Variants in TYR observed in about 807,000 individuals in gnomAD.
TYR encodes the protein LB24-AB.
A neutral mutation model predicts 51.5 loss-of-function variants in TYR; 58 were observed. That is an observed-to-expected ratio of 1.13 (90% CI 0.91 to 1.40). The LOEUF (loss-of-function observed/expected upper bound fraction) is 1.40, where lower values mean the gene tolerates loss of function less well. Ranked by LOEUF, TYR falls within the 40% of genes most tolerant of loss-of-function variation. The probability of loss-of-function intolerance (pLI) is 0.00; values close to 1 mark genes in which losing one functional copy is unlikely to be tolerated. For missense variants in TYR, 732 were observed against 647.4 expected (o/e 1.13, Z -1.42); for synonymous variants, 263 against 235.2 (o/e 1.12, Z -1.08).
chr11:89,191,517 G>C, intron 2 of TYR, 99 bp downstream of exon 2: 1 of 1,193,712 alleles, frequency 8.4e-7, no homozygotes, highest in African/African-American at 1.5e-5. Flanking sequence ...AGAATTTTCT[G>C]AGTTGACCAA....
chr11:89,256,108 T>C (rs1944388231), intron 3 of TYR, among the ~76,000 whole-genome samples: 1 of 151,764 alleles, frequency 6.6e-6, no homozygotes, highest in Non-Finnish European at 1.5e-5. Flanking sequence ...GACCTATATC[T>C]GCACATGTGG....
chr11:89,217,453 G>C (rs555737092), intron 2 of TYR, among the ~76,000 whole-genome samples: 1 of 152,282 alleles, frequency 6.6e-6, no homozygotes, highest in East Asian at 1.9e-4. Flanking sequence ...GGGAGACTGA[G>C]TATGAGGATG....
At chr11:89,198,615 A>G (rs1248552724) in intron 2 of TYR, among the ~76,000 whole-genome samples, 1 of 152,182 alleles carries the variant, frequency 6.6e-6, no homozygotes, top group Non-Finnish European at 1.5e-5. Context: ...AGTCCTCACA[A>G]CAGTCCTAGG....
chr11:89,178,738 T>A lies in TYR; in HGVS notation c.785T>A (p.Leu262Ter). ...GGTCAGCACCCCACAAATCCTAACT[T>A]ACTCAGCCCAGCATCATTCTTCTCC... ...MGGQHPTNPN[L>*]LSPASFFSSW... Residue 262 changes from leucine (L) to a stop codon, truncating the protein, a stop_gained, in exon 1 of 5, where the codon TTA becomes TAA. Transcript: ENST00000263321. LOFTEE classifies it high-confidence loss of function. 1 of 1,614,132 alleles carries A rather than the reference T, an allele frequency of 6.2e-7. No homozygotes were observed. The highest frequency in any genetic ancestry group is 8.5e-7 in the Non-Finnish European group (1 of 1,180,014).
chr11:89,247,424 T>C (rs143443739), intron 3 of TYR, among the ~76,000 whole-genome samples: 2 of 152,310 alleles, frequency 1.3e-5, no homozygotes, highest in African/African-American at 2.4e-5. Context: ...GAGAGTTGAA[T>C]TGCTTTCTAT....
intron 3 of TYR, among the ~76,000 whole-genome samples, chr11:89,254,792 C>T (rs1044584174): frequency 6.6e-6 from 1 of 151,594 alleles, no homozygotes; most frequent in African/African-American, 2.4e-5. Flanking sequence ...TTTCATTTAT[C>T]TTTTGTATTT....
rs1360307350 is a variant in TYR at position 89,203,436 on chromosome 11, G to A, written c.1036+12018G>A. Reference sequence around the variant, plus strand: ...AGGTATCTAAAAGAAATTCTTGTGTGAAACAATGAAATTTTGGTGGGAAAA... The same window carrying A: ...AGGTATCTAAAAGAAATTCTTGTGTAAAACAATGAAATTTTGGTGGGAAAA... On this transcript the variant is annotated intron_variant, in intron 2 of 4. Transcript: ENST00000263321. 3.9e-5 allele frequency among the ~76,000 whole-genome samples: 6 copies of A among 152,230 alleles called. 1 individual carries two copies. In the South Asian group the frequency reaches 8.3e-4, roughly 21 times the overall value.
chr11:89,197,657 GGAT>G (rs1307600025), intron 2 of TYR, among the ~76,000 whole-genome samples: 1 of 151,994 alleles, frequency 6.6e-6, no homozygotes, highest in African/African-American at 2.4e-5. Context: ...GGGGAGTCAT[GGAT>G]GAGAGCTTGA....
chr11:89,210,716 A>G (rs1307220416), intron 2 of TYR, among the ~76,000 whole-genome samples: 1 of 152,208 alleles, frequency 6.6e-6, no homozygotes, highest in Non-Finnish European at 1.5e-5. Flanking sequence ...GCAGCCAGAG[A>G]GAAAGGTTGG....
In TYR at chr11:89,284,804, C is replaced by G. The variant is rs1363166555; in HGVS notation, c.1216C>G (p.Pro406Ala). The G allele has an allele frequency of 1.2e-6, 2 of 1,611,686 alleles. No individual in the cohort carries two copies. Among genetic ancestry groups the G allele is most frequent in the African/African-American group, 1.3e-5 (1 of 74,744 alleles). ...TGAGCAGTGGCTCCGAAGGCACCGT[C>G]CTCTTCAAGAAGTTTATCCAGAAGC... ...IFEQWLRRHR[P>A]LQEVYPEANA... Residue 406 changes from proline (P) to alanine (A), a missense_variant, in exon 4 of 5, where the codon CCT becomes GCT. Physicochemically the swap from Pro to Ala is conservative, Grantham distance 27. Coordinates refer to ENST00000263321, the MANE Select transcript of TYR (RefSeq NM_000372.5).
At chr11:89,212,075 G>A (rs113362061) in intron 2 of TYR, among the ~76,000 whole-genome samples, 1 of 151,618 alleles carries the variant, frequency 6.6e-6, no homozygotes, top group Admixed American at 6.6e-5. Flanking sequence ...AAAGCTAGCA[G>A]AAGAAATAAC....
At chr11:89,264,961 T>C (rs1466856648) in intron 3 of TYR, among the ~76,000 whole-genome samples, 1 of 152,046 alleles carries the variant, frequency 6.6e-6, no homozygotes, top group Non-Finnish European at 1.5e-5. Flanking sequence ...GTAAATGATA[T>C]CTAAGTATTT....
chr11:89,286,851 T>C (rs770979180), intron 4 of TYR, among the ~76,000 whole-genome samples: 1 of 151,790 alleles, frequency 6.6e-6, no homozygotes, highest in Non-Finnish European at 1.5e-5. Context: ...CTTTCTTCTA[T>C]GAAAACCACA....
At chr11:89,275,506 A>G (rs1218830695) in intron 3 of TYR, among the ~76,000 whole-genome samples, 1 of 151,940 alleles carries the variant, frequency 6.6e-6, no homozygotes, top group Non-Finnish European at 1.5e-5. Context: ...AAATTCTTAA[A>G]TTCTTTGACT....
At chr11:89,245,704 T>C (rs1308839849) in intron 3 of TYR, among the ~76,000 whole-genome samples, 2 of 152,032 alleles carry the variant, frequency 1.3e-5, no homozygotes, top group Non-Finnish European at 2.9e-5. Flanking sequence ...GGGCGGATTA[T>C]GAGGTCAGGA....
intron 3 of TYR, among the ~76,000 whole-genome samples, chr11:89,282,296 G>C (rs1295637614): frequency 2.0e-5 from 3 of 151,776 alleles, no homozygotes; most frequent in East Asian, 1.9e-4. Flanking sequence ...ATATCAGGCT[G>C]TTCCCAAATC....
chr11:89,248,017 C>T (rs1944287489), intron 3 of TYR, among the ~76,000 whole-genome samples: 1 of 152,168 alleles, frequency 6.6e-6, no homozygotes, highest in Admixed American at 6.6e-5. Flanking sequence ...TAGCATCAGA[C>T]ATGCCTCATT....
intron 3 of TYR, among the ~76,000 whole-genome samples, chr11:89,232,197 T>C (rs1405332656): frequency 2.8e-5 from 4 of 142,978 alleles, no homozygotes; most frequent in Non-Finnish European, 4.5e-5. Flanking sequence ...CACATCAAAA[T>C]ACTGTGGGCT....
intron 1 of TYR, among the ~76,000 whole-genome samples, chr11:89,182,474 C>T (rs937537303): frequency 6.6e-6 from 1 of 151,920 alleles, no homozygotes; most frequent in South Asian, 2.1e-4. Context: ...TGTATGTCTG[C>T]GTGTGTGCAT....
Sources: gnomAD v4.1 joint callset for allele counts (sites outside exome capture counted in the v4.1 genomes callset) on GRCh38, gnomAD v4.1.1 for gene constraint, MANE v1.5 for transcripts, NCBI Gene and HGNC (gene_info 2026-07-23, HGNC 2026-07-21) for gene names.